RBBP8NL: variants seen among roughly 807,000 people sequenced by gnomAD.
The protein encoded by RBBP8NL is RBBP8 N-terminal like.
Under a neutral mutation model 62.2 loss-of-function variants are expected in RBBP8NL, and 59 were observed. That is an observed-to-expected ratio of 0.95 (90% confidence interval 0.77 to 1.18). The LOEUF (loss-of-function observed/expected upper bound fraction) is 1.18. Ranked by LOEUF, RBBP8NL falls within the 50% of genes most tolerant of loss-of-function variation. The pLI is 0.00. For missense variants in RBBP8NL, 896 were observed against 899.5 expected (o/e 1.00, Z 0.05); for synonymous variants, 412 against 394.1 (o/e 1.05, Z -0.54).
chr20:62,413,762 C>T, intron 10 of RBBP8NL, 59 bp downstream of exon 10: 1 of 1,519,650 alleles, frequency 6.6e-7, no homozygotes, highest in Non-Finnish European at 8.8e-7. Context: ...GGGAGGCCGG[C>T]CCGGGGTGGG....
At chr20:62,426,049 G>A (rs1321330232) in intron 1 of RBBP8NL, among the ~76,000 whole-genome samples, 1 of 151,538 alleles carries the variant, frequency 6.6e-6, no homozygotes, top group African/African-American at 2.4e-5. Context: ...AGTGGCAGTG[G>A]TAGCAGTAGC....
intron 4 of RBBP8NL, 78 bp from the exon 5 acceptor site, chr20:62,416,950 G>T: frequency 1.8e-6 from 2 of 1,133,740 alleles, no homozygotes; most frequent in Non-Finnish European, 2.5e-6. Context: ...CTGCCCCACT[G>T]CTGGGAAGTG....
rs1029138852 is a variant in RBBP8NL at position 62,415,115 on chromosome 20, G to C, written c.794+6C>G. 6.8e-7 allele frequency: 1 copy of C among 1,461,026 alleles called. No homozygotes were observed. Among genetic ancestry groups the C allele is most frequent in the Non-Finnish European group, 9.1e-7 (1 of 1,103,022 alleles). The allele number at this position is 1,461,026 out of a possible 1,614,324, so 90.5% of individuals were successfully genotyped here. The stretch of plus-strand genomic sequence containing the variant: ...TACTCTGGGTGAGGGTGGGGCAGGC[G>C]GGCACCTGTCCAGGGAGAGGCCACG... On this transcript the variant is annotated splice_donor_region_variant and intron_variant, in intron 9 of 13. Coordinates refer to ENST00000252998, the MANE Select transcript of RBBP8NL (RefSeq NM_080833.3).
chr20:62,416,041 G>T, intron 6 of RBBP8NL, 96 bp from the exon 7 acceptor site: 4 of 1,462,850 alleles, frequency 2.7e-6, no homozygotes, highest in Non-Finnish European at 3.7e-6. Flanking sequence ...CCCAGGTGAC[G>T]CAGCTGTCCC....
chr20:62,415,494 G>T, intron 8 of RBBP8NL, 84 bp downstream of exon 8: 1 of 1,474,384 alleles, frequency 6.8e-7, no homozygotes. Context: ...ATGAGAGGCT[G>T]GCATACTGAA....
rs772403571 is a variant in RBBP8NL at position 62,415,910 on chromosome 20, G to A, written c.422C>T (p.Ser141Leu). 2.1e-5 allele frequency: 33 copies of A among 1,581,056 alleles called. No individual in the cohort carries two copies. In the South Asian group the frequency reaches 3.2e-4, roughly 15 times the overall value. The change falls in exon 7 of 14, where the codon TCG becomes TTG. Residue 141 changes from serine to leucine, a missense_variant. Coordinates refer to ENST00000252998, the MANE Select transcript of RBBP8NL (RefSeq NM_080833.3). ...RPKPRAKEGTSDPPSPLLLPS... is the reference protein window; with the variant it reads ...RPKPRAKEGTLDPPSPLLLPS... Reference sequence around the variant, plus strand: ...GAGCAGCAGGGGTGAGGGGGGGTCCGAGGTGCCCTCCTTGGCCCGGGGCTT... The same window carrying A: ...GAGCAGCAGGGGTGAGGGGGGGTCCAAGGTGCCCTCCTTGGCCCGGGGCTT...
chr20:62,412,828 A>C lies in RBBP8NL; in HGVS notation c.1746+2T>G. Reference sequence around the variant, plus strand: ...CCTGCTGAGTGTGTGGCCTGGACCCACCTCGCTGCCTGGGGTGTCTGTCTC... The same window carrying C: ...CCTGCTGAGTGTGTGGCCTGGACCCCCCTCGCTGCCTGGGGTGTCTGTCTC... On this transcript the variant is annotated splice_donor_variant, in intron 12 of 13. Coordinates refer to ENST00000252998, the MANE Select transcript of RBBP8NL (RefSeq NM_080833.3). LOFTEE classifies it high-confidence loss of function. 6.2e-7 allele frequency: 1 copy of C among 1,613,308 alleles called. No homozygotes were observed.
intron 4 of RBBP8NL, 38 bp downstream of exon 4, chr20:62,417,186 G>A (rs376506651): frequency 3.8e-5 from 57 of 1,493,222 alleles, no homozygotes; most frequent in African/African-American, 2.5e-4. Flanking sequence ...TGAGCCCACC[G>A]GTCCTGGCCA....
intron 13 of RBBP8NL, 151 bp downstream of exon 13, chr20:62,412,473 T>G: frequency 1.9e-6 from 2 of 1,034,886 alleles, no homozygotes; most frequent in Non-Finnish European, 2.9e-6. Context: ...CTCTGTGGGG[T>G]TCATTTGGGG....
chr20:62,414,621 G>T, intron 9 of RBBP8NL, 65 bp from the exon 10 acceptor site: 1 of 1,380,538 alleles, frequency 7.2e-7, no homozygotes, highest in Non-Finnish European at 9.4e-7. Context: ...AGCGAGCCCT[G>T]AGAGGGAGAG....
intron 1 of RBBP8NL, among the ~76,000 whole-genome samples, chr20:62,421,799 C>G (rs886700626): frequency 7.0e-6 from 1 of 142,392 alleles, no homozygotes. Flanking sequence ...CATGCCTGAG[C>G]CAGTGTGCAT....
intron 13 of RBBP8NL, among the ~76,000 whole-genome samples, chr20:62,411,781 C>T (rs748284229): frequency 6.6e-6 from 1 of 152,252 alleles, no homozygotes; most frequent in African/African-American, 2.4e-5. Flanking sequence ...ACTGCACCCC[C>T]CGGGGCCATT....
intron 1 of RBBP8NL, among the ~76,000 whole-genome samples, chr20:62,423,675 T>C (rs909229606): frequency 6.6e-6 from 1 of 152,112 alleles, no homozygotes; most frequent in African/African-American, 2.4e-5. Flanking sequence ...GAAGTCACTG[T>C]GGTGCAGAGG....
intron 1 of RBBP8NL, among the ~76,000 whole-genome samples, chr20:62,426,886 C>T (rs921789683): frequency 7.9e-5 from 12 of 152,234 alleles, no homozygotes; most frequent in Admixed American, 3.9e-4. Context: ...GACTCCCTCC[C>T]GGAGGTGGAG....
chr20:62,413,618 C>T (rs930678180), intron 10 of RBBP8NL, 73 bp from the exon 11 acceptor site: 291 of 1,480,062 alleles, frequency 2.0e-4, no homozygotes, highest in Non-Finnish European at 2.2e-4. Flanking sequence ...CCTGGACAGC[C>T]GGTGGGACCC....
At chr20:62,420,377 C>CACACACAT (rs1555892550) in intron 1 of RBBP8NL, among the ~76,000 whole-genome samples, 2,975 of 148,768 alleles carry the variant, frequency 0.02, 93 homozygotes, top group African/African-American at 0.067. Flanking sequence ...CACACACACA[C>CACACACAT]ACACACACAC....
rs373796967 is a variant in RBBP8NL at position 62,410,496 on chromosome 20, C to T, written c.*382G>A. The stretch of plus-strand genomic sequence containing the variant: ...GGCTGGGCTGGAGCCTGAGTGATCC[C>T]GCCTCCAGTCCCCACACCCCTCAGG... On this transcript the variant is annotated 3_prime_UTR_variant, in exon 14 of 14. Coordinates refer to ENST00000252998, the MANE Select transcript of RBBP8NL (RefSeq NM_080833.3). 43 of 220,768 alleles carry T rather than the reference C, an allele frequency of 1.9e-4. No individual in the cohort carries two copies. The highest frequency in any genetic ancestry group is 3.3e-4 in the Non-Finnish European group (37 of 111,256). 13.7% of individuals were successfully genotyped at this position (220,768 alleles called of 1,614,324 possible).
At chr20:62,422,845 A>G (rs2146445639) in intron 1 of RBBP8NL, among the ~76,000 whole-genome samples, 1 of 152,192 alleles carries the variant, frequency 6.6e-6, no homozygotes, top group Middle Eastern at 3.4e-3. Context: ...GGCCCCTGAC[A>G]GGGCTAGTGG....
chr20:62,417,408 T>C (rs1988594143), intron 3 of RBBP8NL, 89 bp from the exon 4 acceptor site: 1 of 1,008,032 alleles, frequency 9.9e-7, no homozygotes, highest in African/African-American at 2.3e-5. Flanking sequence ...GGCAGCGCGA[T>C]TCGGCACCTG....
Sources: allele counts gnomAD v4.1 joint callset (sites outside exome capture counted in the v4.1 genomes callset), GRCh38; gene constraint gnomAD v4.1.1; transcripts MANE v1.5; gene names NCBI Gene and HGNC (gene_info 2026-07-23, HGNC 2026-07-21).